Variants in SUGCT observed in about 807,000 individuals in gnomAD.
The protein encoded by SUGCT is succinyl-CoA:glutarate CoA-transferase.
Under a neutral mutation model 55.0 loss-of-function variants are expected in SUGCT, and 41 were observed. That is an observed-to-expected ratio of 0.74 (90% CI 0.58 to 0.97). The LOEUF is 0.97. Ranked by LOEUF, SUGCT falls within the 50% of genes least tolerant of loss-of-function variation. The pLI, the probability that SUGCT is intolerant of heterozygous loss-of-function variation, is 0.00. For missense variants in SUGCT, 568 were observed against 547.8 expected (o/e 1.04, Z -0.37); for synonymous variants, 187 against 200.4 (o/e 0.93, Z 0.56).
At chr7:40,504,835 A>G (rs1270348324) in intron 12 of SUGCT, among the ~76,000 whole-genome samples, 2 of 152,222 alleles carry the variant, frequency 1.3e-5, no homozygotes, top group East Asian at 3.9e-4. Context: ...ATTAATATAA[A>G]GAGATTATTT....
intron 9 of SUGCT, among the ~76,000 whole-genome samples, chr7:40,370,349 A>T (rs527341195): frequency 6.6e-6 from 1 of 152,112 alleles, no homozygotes; most frequent in African/African-American, 2.4e-5. Context: ...AGGGCCCTGC[A>T]CTGTAGCTGC....
chr7:40,419,869 CTG>C (rs774434067), intron 9 of SUGCT, among the ~76,000 whole-genome samples: 15 of 152,288 alleles, frequency 9.8e-5, no homozygotes, highest in Non-Finnish European at 1.6e-4. Context: ...ATGTGAAACA[CTG>C]TGCTAAGCAG....
rs538642589 is a variant in SUGCT at position 40,777,432 on chromosome 7, T to A, written c.1153+27935T>A. Among the ~76,000 whole-genome samples, 7 of 152,018 alleles carry A rather than the reference T, an allele frequency of 4.6e-5. No homozygotes were observed. The South Asian group carries it at 8.3e-4, about 18-fold the overall frequency. On this transcript the variant is annotated intron_variant, in intron 13 of 13. Coordinates refer to ENST00000335693, the MANE Select transcript of SUGCT (RefSeq NM_001193313.2). The stretch of plus-strand genomic sequence containing the variant: ...ATTCTGATGTGAATGGCCACATTCC[T>A]ATTTATGTTTCCATGGTGGGTTTTT...
At chr7:40,629,026 C>G (rs542219087) in intron 12 of SUGCT, among the ~76,000 whole-genome samples, 21 of 152,254 alleles carry the variant, frequency 1.4e-4, no homozygotes, top group African/African-American at 4.3e-4. Context: ...AGCACTGGTT[C>G]CCAAATCTCA....
At chr7:40,182,686 C>T (rs913268055) in intron 3 of SUGCT, among the ~76,000 whole-genome samples, 7 of 152,050 alleles carry the variant, frequency 4.6e-5, no homozygotes, top group African/African-American at 1.4e-4. Flanking sequence ...ATCTTTACAA[C>T]AACCCTATGG....
chr7:40,228,263 T>C (rs920160947), intron 6 of SUGCT, among the ~76,000 whole-genome samples: 2 of 152,176 alleles, frequency 1.3e-5, no homozygotes, highest in Non-Finnish European at 2.9e-5. Flanking sequence ...CAATTCTCTC[T>C]CTCTTTTGTT....
intron 9 of SUGCT, among the ~76,000 whole-genome samples, chr7:40,442,750 T>C (rs1350236079): frequency 6.6e-6 from 1 of 152,168 alleles, no homozygotes; most frequent in African/African-American, 2.4e-5. Context: ...TACTTTAAGT[T>C]CCAGGGTACA....
At chr7:40,200,295 C>T (rs1244592712) in intron 6 of SUGCT, among the ~76,000 whole-genome samples, 1 of 152,100 alleles carries the variant, frequency 6.6e-6, no homozygotes, top group Admixed American at 6.6e-5. Context: ...CAGAGACATT[C>T]TATAAACAAG....
chr7:40,865,984 C>T, the SUGCT span, among the ~76,000 whole-genome samples: 4 of 152,208 alleles, frequency 2.6e-5, no homozygotes, highest in South Asian at 4.2e-4. Flanking sequence ...CATGACAGTC[C>T]TTTCAACTCC....
intron 6 of SUGCT, among the ~76,000 whole-genome samples, chr7:40,236,801 T>C (rs570056328): frequency 1.6e-3 from 243 of 152,150 alleles, no homozygotes; most frequent in African/African-American, 5.7e-3. Flanking sequence ...AATTGATTAT[T>C]GCATGTGAGA....
chr7:40,289,060 GTAGGCTGAAAA>G (rs1410460490), intron 8 of SUGCT, among the ~76,000 whole-genome samples: 2 of 152,128 alleles, frequency 1.3e-5, no homozygotes, highest in African/African-American at 4.8e-5. Context: ...ATCACCTGTG[GTAGGCTGAAAA>G]TAGTCTCCAA....
intron 13 of SUGCT, among the ~76,000 whole-genome samples, chr7:40,855,341 G>A (rs1794119197): frequency 6.6e-6 from 1 of 150,720 alleles, no homozygotes; most frequent in Non-Finnish European, 1.5e-5. Flanking sequence ...TTTTTCCTGG[G>A]GTTCTTGTCT....
At chr7:40,546,321 A>C (rs1022493665) in intron 12 of SUGCT, among the ~76,000 whole-genome samples, 17 of 152,322 alleles carry the variant, frequency 1.1e-4, no homozygotes, top group Non-Finnish European at 1.9e-4. Flanking sequence ...AATTATACTC[A>C]TAAATTGGCT....
At chr7:40,812,320 G>C (rs1184867960) in intron 13 of SUGCT, among the ~76,000 whole-genome samples, 3 of 152,030 alleles carry the variant, frequency 2.0e-5, no homozygotes, top group African/African-American at 4.8e-5. Context: ...TTGTACATCA[G>C]GTAGAATTCA....
intron 12 of SUGCT, among the ~76,000 whole-genome samples, chr7:40,641,619 C>A (rs1360330068): frequency 6.6e-6 from 1 of 152,160 alleles, no homozygotes; most frequent in Non-Finnish European, 1.5e-5. Context: ...CGAGGAAAAC[C>A]AAACAAACCA....
chr7:40,698,840 G>T (rs1406375831), intron 12 of SUGCT, among the ~76,000 whole-genome samples: 1 of 152,226 alleles, frequency 6.6e-6, no homozygotes, highest in Non-Finnish European at 1.5e-5. Context: ...TCAAGGGCCA[G>T]TGGGTTCTAA....
chr7:40,166,805 T>G (rs1454788445), intron 1 of SUGCT, among the ~76,000 whole-genome samples: 1 of 151,414 alleles, frequency 6.6e-6, no homozygotes, highest in Non-Finnish European at 1.5e-5. Context: ...AAGAATTGCT[T>G]GAACCCAGGA....
intron 12 of SUGCT, among the ~76,000 whole-genome samples, chr7:40,540,658 A>C (rs912592737): frequency 6.6e-6 from 1 of 152,240 alleles, no homozygotes; most frequent in Admixed American, 6.5e-5. Context: ...CTGTATTGAA[A>C]AGCAGAGCTT....
intron 12 of SUGCT, among the ~76,000 whole-genome samples, chr7:40,643,323 C>G (rs1232240926): frequency 6.6e-6 from 1 of 152,178 alleles, no homozygotes; most frequent in African/African-American, 2.4e-5. Context: ...AGTACCTCCA[C>G]CATTGATTCA....
Sources: gnomAD v4.1 joint callset for allele counts (sites outside exome capture counted in the v4.1 genomes callset) on GRCh38, gnomAD v4.1.1 for gene constraint, MANE v1.5 for transcripts, NCBI Gene and HGNC (gene_info 2026-07-23, HGNC 2026-07-21) for gene names.